The following SPTBN4 variants were observed in gnomAD, a reference collection of about 807,000 sequenced individuals.
SPTBN4 encodes spectrin beta chain, non-erythrocytic 4.
Under a neutral mutation model 277.8 loss-of-function variants are expected in SPTBN4, and 96 were observed. The ratio of observed to expected loss-of-function variants is 0.35; its 90% CI spans 0.29 to 0.41. SPTBN4 has a LOEUF of 0.41. Ranked by LOEUF, SPTBN4 falls within the 10% of genes least tolerant of loss-of-function variation. SPTBN4 has a pLI of 1.00. For synonymous variants in SPTBN4, 1,481 were observed against 1,580.3 expected (o/e 0.94, Z 1.49); for missense variants, 3,006 against 3,595.7 (o/e 0.84, Z 4.19).
At chr19:40,570,176 C>T (rs2081140397) in intron 32 of SPTBN4, among the ~76,000 whole-genome samples, 1 of 151,910 alleles carries the variant, frequency 6.6e-6, no homozygotes, top group African/African-American at 2.4e-5. Context: ...ACACGCCCTG[C>T]TTGCACCCCC....
At chr19:40,472,847 C>A in intron 2 of SPTBN4, 57 bp downstream of exon 2, 1 of 1,438,576 alleles carries the variant, frequency 7.0e-7, no homozygotes, top group Non-Finnish European at 9.3e-7. Flanking sequence ...GAAGGGTGCC[C>A]GAGAACCTTG....
At chr19:40,481,004 G>A (rs1357626019) in intron 2 of SPTBN4, among the ~76,000 whole-genome samples, 1 of 152,178 alleles carries the variant, frequency 6.6e-6, no homozygotes, top group African/African-American at 2.4e-5. Flanking sequence ...GGTGGAGGTT[G>A]CGGTGAGCCA....
At chr19:40,574,747 C>A (rs2081185257) in intron 35 of SPTBN4, among the ~76,000 whole-genome samples, 1 of 152,048 alleles carries the variant, frequency 6.6e-6, no homozygotes, top group South Asian at 2.1e-4. Context: ...TGGCATGGTG[C>A]CTCACACCTG....
intron 18 of SPTBN4, 128 bp from the exon 19 acceptor site, chr19:40,532,497 A>G: frequency 1.6e-6 from 2 of 1,237,454 alleles, no homozygotes; most frequent in Non-Finnish European, 2.2e-6. Context: ...AGGTTTTTTC[A>G]TCCTTTCCTA....
At chr19:40,532,019 G>A (rs1041835007) in intron 18 of SPTBN4, among the ~76,000 whole-genome samples, 10 of 151,242 alleles carry the variant, frequency 6.6e-5, no homozygotes, top group Non-Finnish European at 8.9e-5. Context: ...TATGGAGGAT[G>A]GGTCTACTCC....
intron 6 of SPTBN4, 67 bp downstream of exon 6, chr19:40,495,044 T>A: frequency 2.8e-6 from 4 of 1,405,510 alleles, no homozygotes; most frequent in Non-Finnish European, 4.0e-6. Flanking sequence ...GCTGCACACC[T>A]GTACATGTAC....
In SPTBN4 at chr19:40,493,050, G is replaced by C; in HGVS notation, c.583G>C (p.Ala195Pro). ...ALLLWCQMKT[A>P]GYPEVNIQNF... is the part of the protein sequence containing the mutation. ...GCTCTTGTGGTGTCAGATGAAGACAGCTGGGTAAGCACCCCCACCACCTTC... is the reference window on the plus strand; with the variant it reads ...GCTCTTGTGGTGTCAGATGAAGACACCTGGGTAAGCACCCCCACCACCTTC... Residue 195 changes from alanine to proline, a missense_variant, in exon 5 of 36, where the codon GCT becomes CCT. By Grantham distance (27) the Ala-to-Pro change is conservative. Coordinates refer to ENST00000598249, the MANE Select transcript of SPTBN4 (RefSeq NM_020971.3). 1 of 1,614,032 alleles carries C rather than the reference G, an allele frequency of 6.2e-7. No homozygotes were observed. The highest frequency in any genetic ancestry group is 8.5e-7 in the Non-Finnish European group (1 of 1,179,936).
chr19:40,473,426 C>T (rs991033947), intron 2 of SPTBN4, among the ~76,000 whole-genome samples: 7 of 143,058 alleles, frequency 4.9e-5, no homozygotes, highest in Non-Finnish European at 9.0e-5. Flanking sequence ...GGCGCGATCT[C>T]GGCTCACCGC....
intron 4 of SPTBN4, among the ~76,000 whole-genome samples, chr19:40,492,041 C>CA (rs56708259): frequency 0.23 from 32,161 of 139,666 alleles, 4,015 homozygotes; most frequent in African/African-American, 0.4. Flanking sequence ...AAAAACAAAA[C>CA]AAAAAAAAAA....
rs929963675 is a variant in SPTBN4, at chr19:40,524,379, T to A, written c.3857+740T>A. 1.0e-4 allele frequency among the ~76,000 whole-genome samples: 15 copies of A among 150,268 alleles called. No individual in the cohort carries two copies. In the South Asian group the frequency reaches 1.0e-3, roughly 10 times the overall value. On this transcript the variant is annotated intron_variant, in intron 17 of 35. Coordinates refer to ENST00000598249, the MANE Select transcript of SPTBN4 (RefSeq NM_020971.3). ...AAAAAAAGCTGGGCGTGGTGATGCG[T>A]GCCTGTAGTCCCAGCTACTCTTGAG...
intron 2 of SPTBN4, among the ~76,000 whole-genome samples, chr19:40,474,116 C>T (rs1359120734): frequency 7.7e-6 from 1 of 130,166 alleles, no homozygotes; most frequent in Non-Finnish European, 1.5e-5. Flanking sequence ...CGCGCCACTG[C>T]ACTCCAGCCC....
chr19:40,551,648 A>G (rs934878543), intron 22 of SPTBN4, among the ~76,000 whole-genome samples: 2 of 152,188 alleles, frequency 1.3e-5, no homozygotes, highest in Admixed American at 1.3e-4. Flanking sequence ...CCCTTGGTCA[A>G]AGCAACTATT....
chr19:40,500,708 G>A (rs191833523), intron 7 of SPTBN4, among the ~76,000 whole-genome samples: 11 of 152,068 alleles, frequency 7.2e-5, no homozygotes, highest in African/African-American at 9.7e-5. Flanking sequence ...TTAGCCGGGC[G>A]TGGTGGTGTG....
At chr19:40,561,443 T>C (rs2081041672) in intron 27 of SPTBN4, among the ~76,000 whole-genome samples, 1 of 152,230 alleles carries the variant, frequency 6.6e-6, no homozygotes, top group Admixed American at 6.5e-5. Flanking sequence ...ATGTATTAAA[T>C]GCATATGGTG....
intron 2 of SPTBN4, among the ~76,000 whole-genome samples, chr19:40,480,324 G>A (rs1181832463): frequency 6.6e-6 from 1 of 152,012 alleles, no homozygotes; most frequent in Non-Finnish European, 1.5e-5. Context: ...AAAGACTGAG[G>A]TGGGAAGATT....
chr19:40,521,587 C>G (rs1213476005), intron 16 of SPTBN4, among the ~76,000 whole-genome samples: 1 of 152,138 alleles, frequency 6.6e-6, no homozygotes, highest in African/African-American at 2.4e-5. Flanking sequence ...GAATGTAAAG[C>G]TGCTGCTGAT....
intron 17 of SPTBN4, among the ~76,000 whole-genome samples, chr19:40,527,338 A>G (rs529882994): frequency 4.6e-5 from 7 of 152,298 alleles, no homozygotes; most frequent in South Asian, 4.1e-4. Flanking sequence ...TTTAACAAAT[A>G]TAAGTCGAGC....
intron 20 of SPTBN4, among the ~76,000 whole-genome samples, chr19:40,536,921 G>A (rs1351276452): frequency 2.0e-5 from 3 of 151,912 alleles, no homozygotes; most frequent in Non-Finnish European, 4.4e-5. Context: ...AAGTAGCTGG[G>A]ACTACGGACC....
Position 40,490,345 on chromosome 19 carries a change from C to A in SPTBN4, c.495+97C>A. The A allele has an allele frequency of 7.2e-7, 1 of 1,398,104 alleles. No homozygotes were observed. Among genetic ancestry groups the A allele is most frequent in the Non-Finnish European group, 9.6e-7 (1 of 1,037,772 alleles). 86.6% of individuals were successfully genotyped at this position (1,398,104 alleles called of 1,614,324 possible). On this transcript the variant is annotated intron_variant, in intron 4 of 35. Coordinates refer to ENST00000598249, the MANE Select transcript of SPTBN4 (RefSeq NM_020971.3). The surrounding 1 kb of genome is among the most constrained non-coding windows in gnomAD (Gnocchi z 4.3). Reference sequence around the variant, plus strand: ...TTCATTCTTTCCTTCCAATAATATCCTAATATGCTGGAATCCTATTCCAGG... The same window carrying A: ...TTCATTCTTTCCTTCCAATAATATCATAATATGCTGGAATCCTATTCCAGG...
Sources: allele counts gnomAD v4.1 joint callset (sites outside exome capture counted in the v4.1 genomes callset), GRCh38; gene constraint gnomAD v4.1.1; non-coding constraint Gnocchi (gnomAD v3.1); transcripts MANE v1.5; gene names NCBI Gene and HGNC (gene_info 2026-07-23, HGNC 2026-07-21).